The following TG variants were observed in gnomAD, a reference collection of about 807,000 sequenced individuals.
TG encodes the protein thyroid hormones.
A neutral mutation model predicts 324.7 loss-of-function variants in TG; 270 were observed. The ratio of observed to expected loss-of-function variants is 0.83; its 90% CI spans 0.75 to 0.92. The LOEUF (loss-of-function observed/expected upper bound fraction) is 0.92, where lower values mean the gene tolerates loss of function less well. Among genes scored for constraint, TG ranks in the 40% least tolerant of loss-of-function variants. The pLI is 0.00. For missense variants in TG, 3,591 were observed against 3,456.4 expected (o/e 1.04, Z -0.98); for synonymous variants, 1,401 against 1,327.0 (o/e 1.06, Z -1.21).
intron 34 of TG, among the ~76,000 whole-genome samples, chr8:132,980,581 A>G (rs1316383484): frequency 6.6e-6 from 1 of 152,174 alleles, no homozygotes; most frequent in Non-Finnish European, 1.5e-5. Flanking sequence ...CAAATTATTG[A>G]TCCCAAGGAG....
intron 29 of TG, 88 bp from the exon 30 acceptor site, chr8:132,966,472 G>A: frequency 3.6e-6 from 5 of 1,407,000 alleles, no homozygotes; most frequent in African/African-American, 1.4e-5. Context: ...CTCTCTGTGT[G>A]TGTGTGTGTG....
At chr8:133,117,241 G>A (rs775188826) in intron 45 of TG, among the ~76,000 whole-genome samples, 2 of 152,178 alleles carry the variant, frequency 1.3e-5, no homozygotes, top group Non-Finnish European at 1.5e-5. Flanking sequence ...GAAGGGCCAA[G>A]CAATGAGCAT....
chr8:133,000,817 C>T (rs1356821227), intron 35 of TG, among the ~76,000 whole-genome samples: 3 of 152,178 alleles, frequency 2.0e-5, no homozygotes, highest in Non-Finnish European at 4.4e-5. Context: ...ATGCTGTCAC[C>T]GAGTGCACAC....
intron 20 of TG, among the ~76,000 whole-genome samples, chr8:132,916,907 A>AT (rs72409827): frequency 1.4e-4 from 21 of 150,332 alleles, no homozygotes; most frequent in South Asian, 6.3e-4. Flanking sequence ...TTCCCTATGG[A>AT]TTTTTTTTTT....
intron 41 of TG, among the ~76,000 whole-genome samples, chr8:133,077,910 T>G (rs749245467): frequency 1.2e-4 from 18 of 151,794 alleles, no homozygotes; most frequent in Non-Finnish European, 2.1e-4. Flanking sequence ...TCCCAGAAAT[T>G]GTCAAATGTG....
intron 41 of TG, among the ~76,000 whole-genome samples, chr8:133,074,498 G>A (rs2131465469): frequency 6.6e-6 from 1 of 152,326 alleles, no homozygotes; most frequent in Middle Eastern, 3.4e-3. Flanking sequence ...AAGGTCTGGA[G>A]AGGTTTAAAT....
chr8:132,987,328 A>G (rs1476026467), intron 35 of TG, among the ~76,000 whole-genome samples: 1 of 152,130 alleles, frequency 6.6e-6, no homozygotes, highest in Non-Finnish European at 1.5e-5. Context: ...TTGAAATGTC[A>G]TTGTATGGTT....
chr8:133,084,295 G>A lies in TG; in HGVS notation c.7240-10749G>A, dbSNP rs185533368. Among the ~76,000 whole-genome samples, 3 of 152,188 alleles carry A rather than the reference G, an allele frequency of 2.0e-5. No individual in the cohort carries two copies. The East Asian group carries it at 5.8e-4, about 29-fold the overall frequency. On this transcript the variant is annotated intron_variant, in intron 41 of 47. Transcript: ENST00000220616. Reference sequence around the variant, plus strand: ...TTCTCCTGGGCCCTGAAACAAAGCTGCAGAAAAAAATGACTAGAAAGAAGC... The same window carrying A: ...TTCTCCTGGGCCCTGAAACAAAGCTACAGAAAAAAATGACTAGAAAGAAGC...
At chr8:133,030,097 A>G in intron 41 of TG, 74 bp downstream of exon 41, 1 of 1,585,480 alleles carries the variant, frequency 6.3e-7, no homozygotes, top group Non-Finnish European at 8.7e-7. Context: ...GTGCTGCAAA[A>G]GTCTAGTTGG....
At chr8:132,900,425 A>G (rs1040626544) in intron 15 of TG, 86 bp downstream of exon 15, 7 of 1,240,416 alleles carry the variant, frequency 5.6e-6, no homozygotes, top group Non-Finnish European at 8.0e-6. Flanking sequence ...TTCGTGTCCC[A>G]GCTCTACTGC....
At chr8:133,039,548 C>A (rs1038732234) in intron 41 of TG, among the ~76,000 whole-genome samples, 3 of 152,064 alleles carry the variant, frequency 2.0e-5, no homozygotes, top group African/African-American at 2.4e-5. Flanking sequence ...ATAAACAGAA[C>A]AAATCCATGA....
chr8:132,913,026 A>G (rs779271577), intron 19 of TG, 21 bp from the exon 20 acceptor site: 5 of 1,612,766 alleles, frequency 3.1e-6, no homozygotes, highest in East Asian at 2.2e-5. Context: ...GGTGACCTCT[A>G]CCTTATCCTG....
In TG at chr8:132,901,443, G is replaced by A. The variant is rs778086768; in HGVS notation, c.3524G>A (p.Gly1175Asp). Residue 1175 changes from glycine to aspartate, a missense_variant, in exon 16 of 48, where the codon GGC becomes GAC. Coordinates refer to ENST00000220616, the MANE Select transcript of TG (RefSeq NM_003235.5). The stretch of plus-strand genomic sequence containing the variant: ...CCAGCCTGCAGGGCAGAGGATGGGG[G>A]CTTTTCCCCAGTGCAATGTGACCAG... ...YVPACRAEDG[G>D]FSPVQCDQAQ... 2 of 1,614,240 alleles carry A rather than the reference G, an allele frequency of 1.2e-6. No individual in the cohort carries two copies. Among genetic ancestry groups the A allele is most frequent in the East Asian group, 2.2e-5 (1 of 44,886 alleles).
intron 41 of TG, among the ~76,000 whole-genome samples, chr8:133,069,125 A>AGAAGGT (rs1366002578): frequency 6.6e-6 from 1 of 152,274 alleles, no homozygotes; most frequent in Non-Finnish European, 1.5e-5. Flanking sequence ...GTTTCATCAC[A>AGAAGGT]GAAGGTGGAG....
chr8:133,005,320 G>A (rs1833928304), intron 35 of TG, among the ~76,000 whole-genome samples: 1 of 152,152 alleles, frequency 6.6e-6, no homozygotes, highest in Admixed American at 6.5e-5. Flanking sequence ...GAGGGGTCAG[G>A]TGGAAGTCAG....
intron 41 of TG, chr8:133,073,271 T>C (rs1233634487): frequency 6.6e-6 from 1 of 152,130 alleles, no homozygotes; most frequent in Non-Finnish European, 1.5e-5. Context: ...GATGAAGGAA[T>C]CTAATTAGAT....
At chr8:133,108,506 A>G (rs1850012380) in intron 43 of TG, among the ~76,000 whole-genome samples, 1 of 152,200 alleles carries the variant, frequency 6.6e-6, no homozygotes, top group Admixed American at 6.5e-5. Context: ...ATCTAACTTC[A>G]TGACAGTTTT....
chr8:133,062,323 G>A (rs1842480360), intron 41 of TG, among the ~76,000 whole-genome samples: 1 of 152,230 alleles, frequency 6.6e-6, no homozygotes, highest in South Asian at 2.1e-4. Flanking sequence ...CAGTCCAGGA[G>A]GGCAGGGATA....
At chr8:132,904,779 G>A (rs1414384322) in intron 16 of TG, among the ~76,000 whole-genome samples, 1 of 152,204 alleles carries the variant, frequency 6.6e-6, no homozygotes, top group African/African-American at 2.4e-5. Flanking sequence ...AACCACAGGT[G>A]CAGATCATTC....
Sources: allele counts gnomAD v4.1 joint callset (sites outside exome capture counted in the v4.1 genomes callset), GRCh38; gene constraint gnomAD v4.1.1; transcripts MANE v1.5; gene names NCBI Gene and HGNC (gene_info 2026-07-23, HGNC 2026-07-21).